Variants in PCDHGA11 observed in about 807,000 individuals in gnomAD.
PCDHGA11 encodes protocadherin gamma-A11.
PCDHGA11 carries 39 observed loss-of-function variants against 60.4 expected under a neutral mutation model. The ratio of observed to expected loss-of-function variants is 0.65; its 90% CI spans 0.50 to 0.84. PCDHGA11 has a LOEUF of 0.84. Among genes scored for constraint, PCDHGA11 ranks in the 40% least tolerant of loss-of-function variants. PCDHGA11 has a pLI of 0.00. For missense variants in PCDHGA11, 1,165 were observed against 1,197.7 expected (o/e 0.97, Z 0.40); for synonymous variants, 533 against 510.3 (o/e 1.04, Z -0.60).
chr5:141,431,603 C>T lies in PCDHGA11; in HGVS notation c.2433+7943C>T, dbSNP rs746243366. On this transcript the variant is annotated intron_variant, in intron 1 of 3. Coordinates refer to ENST00000398587, the MANE Select transcript of PCDHGA11 (RefSeq NM_018914.3). This position sits in a 1 kb window ranked among gnomAD's most constrained non-coding sequence, Gnocchi z 4.8. ...CAATGCGGAAGTGAGGTATTCCTTC[C>T]GGTATGTGGACGACAAGGCGGCCCA... is the stretch of plus-strand genomic sequence containing the variant. 1.1e-5 allele frequency: 17 copies of T among 1,614,212 alleles called. No individual in the cohort carries two copies. Among genetic ancestry groups the T allele is most frequent in the Non-Finnish European group, 1.4e-5 (16 of 1,180,044 alleles).
chr5:141,491,945 C>T lies in PCDHGA11; in HGVS notation c.2434-2862C>T. ...GAGGGGAGGTGGGACCGACCCCCAC[C>T]CCTACACTCAAAAAAGGCCGGGGCC... On this transcript the variant is annotated intron_variant, in intron 1 of 3. Coordinates refer to ENST00000398587, the MANE Select transcript of PCDHGA11 (RefSeq NM_018914.3). The surrounding 1 kb of genome is among the most constrained non-coding windows in gnomAD (Gnocchi z 6.9). 1.8e-6 allele frequency: 2 copies of T among 1,116,616 alleles called. No individual in the cohort carries two copies. 69.2% of individuals were successfully genotyped at this position (1,116,616 alleles called of 1,614,324 possible). A position where few individuals can be genotyped will look rare whatever the true frequency, so the allele number is the denominator to read the frequency against.
intron 1 of PCDHGA11, chr5:141,441,078 G>T (rs1443239760): frequency 2.0e-5 from 3 of 152,140 alleles, no homozygotes; most frequent in Non-Finnish European, 4.4e-5. Context: ...CCATGGTTTT[G>T]GTAGCAAGTG....
At chr5:141,467,924 G>A (rs2099154404) in intron 1 of PCDHGA11, among the ~76,000 whole-genome samples, 1 of 152,042 alleles carries the variant, frequency 6.6e-6, no homozygotes, top group Non-Finnish European at 1.5e-5. Context: ...CTCCCAAAAT[G>A]CTAGGATTAC....
Position 141,485,182 on chromosome 5 carries a change from C to A in PCDHGA11, c.2434-9625C>A. 6.2e-7 allele frequency: 1 copy of A among 1,613,070 alleles called. No individual in the cohort carries two copies. The highest frequency in any genetic ancestry group is 8.5e-7 in the Non-Finnish European group (1 of 1,179,154). On this transcript the variant is annotated intron_variant, in intron 1 of 3. Coordinates refer to ENST00000398587, the MANE Select transcript of PCDHGA11 (RefSeq NM_018914.3). This position sits in a 1 kb window ranked among gnomAD's most constrained non-coding sequence, Gnocchi z 5.7. ...ATTAGCGGGCGGCAGCAATGCTCCG[C>A]AAGGTGAGAAGCTGGACAGAAATCT...
At chr5:141,498,520 A>T (rs1178141390) in intron 2 of PCDHGA11, among the ~76,000 whole-genome samples, 1 of 149,264 alleles carries the variant, frequency 6.7e-6, no homozygotes, top group Non-Finnish European at 1.5e-5. Flanking sequence ...CATCTTGCCC[A>T]CTGCCCTCCA....
intron 1 of PCDHGA11, chr5:141,433,359 CT>C: frequency 8.7e-6 from 2 of 228,708 alleles, no homozygotes; most frequent in Non-Finnish European, 1.6e-5. Context: ...TACTGTCTGC[CT>C]ATCTATCTAT....
Position 141,491,498 on chromosome 5 carries a change from C to G in PCDHGA11, c.2434-3309C>G. Reference sequence around the variant, plus strand: ...TCCAGCCCCAACCTGCAGGTGAGCTCGGACGGCACGCTCAAGTACATGGAG... The same window carrying G: ...TCCAGCCCCAACCTGCAGGTGAGCTGGGACGGCACGCTCAAGTACATGGAG... On this transcript the variant is annotated intron_variant, in intron 1 of 3. Transcript: ENST00000398587. The surrounding 1 kb of genome is among the most constrained non-coding windows in gnomAD (Gnocchi z 6.9). The G allele has an allele frequency of 6.2e-7, 1 of 1,614,102 alleles. No homozygotes were observed. Among genetic ancestry groups the G allele is most frequent in the Non-Finnish European group, 8.5e-7 (1 of 1,180,018 alleles).
Position 141,486,814 on chromosome 5 carries a change from C to T in PCDHGA11, c.2434-7993C>T, listed in dbSNP as rs1048351154. On this transcript the variant is annotated intron_variant, in intron 1 of 3. Transcript: ENST00000398587. The surrounding 1 kb of genome is among the most constrained non-coding windows in gnomAD (Gnocchi z 5.0). ...ATCGGGGCAACCCACCCCTTAGCAG[C>T]ACTGTAACAGTTCGTCTATTTGTGC... 1.2e-6 allele frequency: 2 copies of T among 1,614,122 alleles called. No individual in the cohort carries two copies. Among genetic ancestry groups the T allele is most frequent in the Non-Finnish European group, 1.7e-6 (2 of 1,180,052 alleles).
At position 141,487,571 on chromosome 5, in the gene PCDHGA11, G is replaced by A; in HGVS notation, c.2434-7236G>A. The A allele has an allele frequency of 4.3e-6, 7 of 1,614,178 alleles. No individual in the cohort carries two copies. The highest frequency in any genetic ancestry group is 5.9e-6 in the Non-Finnish European group (7 of 1,180,038). On this transcript the variant is annotated intron_variant, in intron 1 of 3. Coordinates refer to ENST00000398587, the MANE Select transcript of PCDHGA11 (RefSeq NM_018914.3). This position sits in a 1 kb window ranked among gnomAD's most constrained non-coding sequence, Gnocchi z 5.0. ...CAGTGCACCTATGGCAGGGGAGCCTGTTCGCCCAAGCTGCCCACCCTCTGA... is the reference window on the plus strand; with the variant it reads ...CAGTGCACCTATGGCAGGGGAGCCTATTCGCCCAAGCTGCCCACCCTCTGA...
At chr5:141,433,546 T>C (rs1317735935) in intron 1 of PCDHGA11, among the ~76,000 whole-genome samples, 1 of 152,090 alleles carries the variant, frequency 6.6e-6, no homozygotes, top group Non-Finnish European at 1.5e-5. Context: ...TATCAGATAT[T>C]CTTTTCTGGC....
At chr5:141,450,006 C>CTTTTTT (rs1554136305) in intron 1 of PCDHGA11, among the ~76,000 whole-genome samples, 15 of 132,950 alleles carry the variant, frequency 1.1e-4, no homozygotes, top group African/African-American at 2.0e-4. Context: ...TGCCATGTCT[C>CTTTTTT]TTTTTTTTTT....
At chr5:141,506,865 G>T (rs1403350484) in intron 3 of PCDHGA11, among the ~76,000 whole-genome samples, 1 of 152,186 alleles carries the variant, frequency 6.6e-6, no homozygotes, top group African/African-American at 2.4e-5. Flanking sequence ...GGACTGGTGG[G>T]TAGAGAACCA....
chr5:141,492,548 C>T (rs1028674110), intron 1 of PCDHGA11, among the ~76,000 whole-genome samples: 5 of 152,218 alleles, frequency 3.3e-5, no homozygotes, highest in African/African-American at 9.6e-5. Flanking sequence ...TGGGCCGGGT[C>T]GCCTGGGGGG....
chr5:141,475,955 C>A, intron 1 of PCDHGA11: 1 of 800,218 alleles, frequency 1.2e-6, no homozygotes, highest in Non-Finnish European at 1.9e-6. Flanking sequence ...TTCTGCGCCC[C>A]GGGATGAGGC....
At position 141,494,925 on chromosome 5, in the gene PCDHGA11, G is replaced by A. The variant is rs936071950; in HGVS notation, c.2492+60G>A. On this transcript the variant is annotated intron_variant, in intron 2 of 3. Coordinates refer to ENST00000398587, the MANE Select transcript of PCDHGA11 (RefSeq NM_018914.3). ...TGCGGCATTTTCTCAGGGATGACGT[G>A]GGAGGAGATGGGGGAGGGCCCAGCA... is the stretch of plus-strand genomic sequence containing the variant. The A allele has an allele frequency of 3.3e-4, 525 of 1,613,316 alleles. 2 individuals carry two copies. Among genetic ancestry groups the A allele is most frequent in the Admixed American group, 4.7e-4 (28 of 59,956 alleles).
chr5:141,487,822 G>C lies in PCDHGA11; in HGVS notation c.2434-6985G>C. On this transcript the variant is annotated intron_variant, in intron 1 of 3. Coordinates refer to ENST00000398587, the MANE Select transcript of PCDHGA11 (RefSeq NM_018914.3). The surrounding 1 kb of genome is among the most constrained non-coding windows in gnomAD (Gnocchi z 5.0). ...TGTCACAGTTTAGCATTGGGGGCGGGTCATGCCTATATCTGAGTAAGAAAT... is the reference window on the plus strand; with the variant it reads ...TGTCACAGTTTAGCATTGGGGGCGGCTCATGCCTATATCTGAGTAAGAAAT... 1 of 1,278,758 alleles carries C rather than the reference G, an allele frequency of 7.8e-7. No individual in the cohort carries two copies. The highest frequency in any genetic ancestry group is 1.4e-5 in the South Asian group (1 of 69,172). The allele number at this position is 1,278,758 out of a possible 1,614,324, so 79.2% of individuals were successfully genotyped here. A position where few individuals can be genotyped will look rare whatever the true frequency, so the allele number is the denominator to read the frequency against.
intron 1 of PCDHGA11, among the ~76,000 whole-genome samples, chr5:141,452,145 C>T (rs1414317332): frequency 6.6e-6 from 1 of 152,020 alleles, no homozygotes; most frequent in Non-Finnish European, 1.5e-5. Flanking sequence ...GTGTTTTTTC[C>T]AATGAGTTAT....
chr5:141,435,853 T>C (rs1034164236), intron 1 of PCDHGA11, among the ~76,000 whole-genome samples: 1 of 152,110 alleles, frequency 6.6e-6, no homozygotes, highest in African/African-American at 2.4e-5. Context: ...AAAGATACAA[T>C]AGTTAAAACC....
intron 1 of PCDHGA11, chr5:141,478,852 A>G (rs2099480601): frequency 7.3e-7 from 1 of 1,367,502 alleles, no homozygotes; most frequent in African/African-American, 1.5e-5. Flanking sequence ...GCTAAAACAC[A>G]AGATCTCAGC....
Sources: allele counts gnomAD v4.1 joint callset (sites outside exome capture counted in the v4.1 genomes callset), GRCh38; gene constraint gnomAD v4.1.1; non-coding constraint Gnocchi (gnomAD v3.1); transcripts MANE v1.5; gene names NCBI Gene and HGNC (gene_info 2026-07-23, HGNC 2026-07-21).